The following SDK1 variants were observed in gnomAD, a reference collection of about 807,000 sequenced individuals.
SDK1 encodes sidekick cell adhesion molecule 1.
In SDK1, 157 loss-of-function variants were observed where a neutral mutation model predicts 245.5. The ratio of observed to expected loss-of-function variants is 0.64; its 90% CI spans 0.56 to 0.73. SDK1 has a LOEUF of 0.73. Among genes scored for constraint, SDK1 ranks in the 30% least tolerant of loss-of-function variants. SDK1 has a pLI of 0.00. For missense variants in SDK1, 3,583 were observed against 3,002.3 expected, an observed-to-expected ratio of 1.19 and a Z score of -4.52; for synonymous variants, 1,647 against 1,278.5, an observed-to-expected ratio of 1.29 and a Z score of -6.15.
chr7:4,121,804 C>A (rs62438182), intron 25 of SDK1, among the ~76,000 whole-genome samples: 88 of 152,176 alleles, frequency 5.8e-4, no homozygotes, highest in African/African-American at 2.0e-3. Flanking sequence ...TTATTACATT[C>A]TTTCTTATTT....
intron 1 of SDK1, among the ~76,000 whole-genome samples, chr7:3,451,385 T>C (rs1209047778): frequency 2.0e-5 from 3 of 152,054 alleles, no homozygotes; most frequent in Admixed American, 6.5e-5. Flanking sequence ...AGAATGCGAA[T>C]AGCTGCGTTT....
At chr7:3,534,873 C>A (rs1778829312) in intron 1 of SDK1, among the ~76,000 whole-genome samples, 1 of 152,198 alleles carries the variant, frequency 6.6e-6, no homozygotes, top group African/African-American at 2.4e-5. Context: ...CTTCCCTTCT[C>A]TTTATCAGCC....
At chr7:3,856,481 T>TAAA (rs34024559) in intron 5 of SDK1, among the ~76,000 whole-genome samples, 8 of 119,200 alleles carry the variant, frequency 6.7e-5, no homozygotes, top group Admixed American at 6.0e-4. Context: ...CAGGTAATGT[T>TAAA]AAAAAAAAAA....
intron 5 of SDK1, among the ~76,000 whole-genome samples, chr7:3,894,893 A>G (rs1781560786): frequency 6.6e-6 from 1 of 151,778 alleles, no homozygotes; most frequent in African/African-American, 2.4e-5. Flanking sequence ...GGGTTTCACC[A>G]TGTCGGCCAA....
At position 4,029,228 on chromosome 7, in the gene SDK1, T is replaced by TTGTG. The variant is rs1554312482; in HGVS notation, c.2602+11877_2602+11880dup. On this transcript the variant is annotated intron_variant, in intron 17 of 44. Transcript: ENST00000404826. ...TTTTATTCTTTCTTTTTTTTTTTTT[T>TTGTG]TGTGAAGAAGTCTCACTCTGTCATC... 3.8e-3 allele frequency among the ~76,000 whole-genome samples: 423 copies of TTGTG among 112,070 alleles called. 84 individuals are homozygous for TTGTG. Among genetic ancestry groups the TTGTG allele is most frequent in the African/African-American group, 0.021 (412 of 20,090 alleles). 73.5% of individuals were successfully genotyped at this position (112,070 alleles called of 152,430 possible). A position where few individuals can be genotyped will look rare whatever the true frequency, so the allele number is the denominator to read the frequency against.
intron 5 of SDK1, among the ~76,000 whole-genome samples, chr7:3,950,104 A>G (rs2128124816): frequency 6.6e-6 from 1 of 152,382 alleles, no homozygotes; most frequent in South Asian, 2.1e-4. Flanking sequence ...AATGCCAAAC[A>G]GTTTAAATAA....
chr7:3,788,589 T>A (rs1272637107), intron 4 of SDK1, among the ~76,000 whole-genome samples: 1 of 152,198 alleles, frequency 6.6e-6, no homozygotes, highest in African/African-American at 2.4e-5. Context: ...TCTTTTGGCT[T>A]CCCTGGGCCA....
At chr7:3,404,213 C>T (rs765172496) in intron 1 of SDK1, among the ~76,000 whole-genome samples, 20 of 151,836 alleles carry the variant, frequency 1.3e-4, no homozygotes, top group Non-Finnish European at 2.5e-4. Flanking sequence ...AAATTAAAGC[C>T]CTCAATTTGA....
intron 4 of SDK1, among the ~76,000 whole-genome samples, chr7:3,771,697 T>C (rs1403522876): frequency 6.6e-6 from 1 of 152,238 alleles, no homozygotes; most frequent in South Asian, 2.1e-4. Flanking sequence ...ATTTTTCAAA[T>C]GTCCTTTTAA....
At chr7:3,971,294 C>G (rs748954925) in intron 11 of SDK1, among the ~76,000 whole-genome samples, 172 bp from the exon 12 acceptor site, 1 of 152,128 alleles carries the variant, frequency 6.6e-6, no homozygotes, top group Non-Finnish European at 1.5e-5. Context: ...TACTTATTTG[C>G]TTGTTTTTAA....
At chr7:3,990,489 A>G (rs1221933239) in intron 14 of SDK1, among the ~76,000 whole-genome samples, 1 of 152,252 alleles carries the variant, frequency 6.6e-6, no homozygotes. Context: ...CTGAGAGTAC[A>G]GAAGAGTTTC....
intron 13 of SDK1, among the ~76,000 whole-genome samples, chr7:3,986,103 G>A (rs894806844): frequency 2.0e-5 from 3 of 152,070 alleles, no homozygotes; most frequent in South Asian, 4.1e-4. Flanking sequence ...TACAGGGCCC[G>A]GGCAGCTCAT....
rs373219497 is a variant in SDK1 at position 4,152,588 on chromosome 7, C to G, written c.4625+3125C>G. Reference sequence around the variant, plus strand: ...GGAGAGGTCCATGTTTCAGGACAGACAGTTTAATTTGGTATAGGAGAGACC... The same window carrying G: ...GGAGAGGTCCATGTTTCAGGACAGAGAGTTTAATTTGGTATAGGAGAGACC... On this transcript the variant is annotated intron_variant, in intron 30 of 44. Coordinates refer to ENST00000404826, the MANE Select transcript of SDK1 (RefSeq NM_152744.4). Among the ~76,000 whole-genome samples, 10 of 152,312 alleles carry G rather than the reference C, an allele frequency of 6.6e-5. No homozygotes were observed. In the East Asian group the frequency reaches 1.5e-3, roughly 24 times the overall value.
At chr7:3,605,586 C>G (rs1257248500) in intron 1 of SDK1, among the ~76,000 whole-genome samples, 1 of 152,116 alleles carries the variant, frequency 6.6e-6, no homozygotes, top group Non-Finnish European at 1.5e-5. Flanking sequence ...GTACATTTTT[C>G]TCTCTTGAAT....
intron 1 of SDK1, among the ~76,000 whole-genome samples, chr7:3,302,619 C>A (rs1463297245): frequency 6.7e-6 from 1 of 148,216 alleles, no homozygotes; most frequent in Non-Finnish European, 1.5e-5. Flanking sequence ...TCCACCCCCT[C>A]CCCGCCCCCG....
chr7:4,154,275 A>G (rs1780582156), intron 30 of SDK1, among the ~76,000 whole-genome samples: 1 of 152,180 alleles, frequency 6.6e-6, no homozygotes, highest in Admixed American at 6.5e-5. Flanking sequence ...TTCTAAATAT[A>G]TCGGTTATTG....
At chr7:4,154,152 C>A (rs1019832884) in intron 30 of SDK1, among the ~76,000 whole-genome samples, 2 of 152,182 alleles carry the variant, frequency 1.3e-5, no homozygotes, top group African/African-American at 4.8e-5. Flanking sequence ...GAGGCAGGAA[C>A]GTGGAACTTA....
chr7:4,073,144 C>T (rs1056184023), intron 20 of SDK1, among the ~76,000 whole-genome samples: 1 of 152,190 alleles, frequency 6.6e-6, no homozygotes, highest in Non-Finnish European at 1.5e-5. Context: ...GAGGTACCCC[C>T]GCTCCTGGCT....
chr7:3,440,713 G>C (rs573404735), intron 1 of SDK1, among the ~76,000 whole-genome samples: 2 of 152,282 alleles, frequency 1.3e-5, no homozygotes, highest in South Asian at 4.1e-4. Context: ...TGCTGAGGTT[G>C]CTAAGATTAA....
Sources: gnomAD v4.1 joint callset for allele counts (sites outside exome capture counted in the v4.1 genomes callset) on GRCh38, gnomAD v4.1.1 for gene constraint, MANE v1.5 for transcripts, NCBI Gene and HGNC (gene_info 2026-07-23, HGNC 2026-07-21) for gene names.